Variants in PTPRD observed in about 807,000 individuals in gnomAD.
The protein encoded by PTPRD is protein tyrosine phosphatase receptor type D.
A neutral mutation model predicts 214.5 loss-of-function variants in PTPRD; 34 were observed. The ratio of observed to expected loss-of-function variants is 0.16; its 90% CI spans 0.12 to 0.21. PTPRD has a LOEUF of 0.21. PTPRD is among the 10% of genes least tolerant of loss of function. PTPRD has a pLI of 1.00. For synonymous variants in PTPRD, 1,128 were observed against 845.7 expected, an observed-to-expected ratio of 1.33 and a Z score of -5.79; for missense variants, 2,545 against 2,398.7, an observed-to-expected ratio of 1.06 and a Z score of -1.27.
chr9:9,167,322 T>C (rs2099906191), intron 10 of PTPRD, among the ~76,000 whole-genome samples: 1 of 144,850 alleles, frequency 6.9e-6, no homozygotes, highest in African/African-American at 2.6e-5. Context: ...TCATGCTATA[T>C]GGGGTTTGTG....
intron 5 of PTPRD, among the ~76,000 whole-genome samples, chr9:9,795,716 T>G (rs2098997859): frequency 6.6e-6 from 1 of 152,182 alleles, no homozygotes. Context: ...TACTTCAAAC[T>G]GCAAATACAC....
intron 10 of PTPRD, among the ~76,000 whole-genome samples, chr9:9,139,460 T>C (rs1489227321): frequency 1.3e-5 from 2 of 152,196 alleles, no homozygotes; most frequent in African/African-American, 2.4e-5. Flanking sequence ...TTAGGCACAG[T>C]ATGAGATTAG....
chr9:9,176,688 T>C (rs1185441213), intron 10 of PTPRD, among the ~76,000 whole-genome samples: 1 of 152,122 alleles, frequency 6.6e-6, no homozygotes, highest in African/African-American at 2.4e-5. Context: ...CATGGGTTCC[T>C]GATGAAAGAA....
At chr9:8,737,803 A>C (rs937529533) in intron 11 of PTPRD, among the ~76,000 whole-genome samples, 11 of 152,116 alleles carry the variant, frequency 7.2e-5, no homozygotes, top group African/African-American at 2.7e-4. Context: ...GGTGTGCGCC[A>C]CCACGCCTGG....
intron 9 of PTPRD, among the ~76,000 whole-genome samples, chr9:9,203,565 C>G (rs1166699147): frequency 6.6e-6 from 1 of 152,118 alleles, no homozygotes; most frequent in Non-Finnish European, 1.5e-5. Flanking sequence ...CCCACTGTTA[C>G]AGTTCGGGTT....
At chr9:8,773,979 C>T (rs867020726) in intron 11 of PTPRD, among the ~76,000 whole-genome samples, 76 of 152,268 alleles carry the variant, frequency 5.0e-4, no homozygotes, top group African/African-American at 1.7e-3. Flanking sequence ...CTGACTCCAA[C>T]CCCAAGAAGA....
chr9:9,486,870 A>G (rs1341501246), intron 8 of PTPRD, among the ~76,000 whole-genome samples: 1 of 152,124 alleles, frequency 6.6e-6, no homozygotes, highest in Non-Finnish European at 1.5e-5. Flanking sequence ...CTCCACCTCT[A>G]TAAAAGTATG....
intron 5 of PTPRD, among the ~76,000 whole-genome samples, chr9:9,918,506 C>A (rs1441236562): frequency 6.6e-6 from 1 of 151,916 alleles, no homozygotes; most frequent in East Asian, 1.9e-4. Flanking sequence ...TCGATTAAAT[C>A]TCTATCAAAA....
chr9:8,771,080 C>T (rs532544894), intron 11 of PTPRD, among the ~76,000 whole-genome samples: 14 of 151,344 alleles, frequency 9.3e-5, no homozygotes, highest in African/African-American at 3.4e-4. Context: ...ACTTGGGAGG[C>T]TGAGGCAGGA....
At position 8,666,802 on chromosome 9, in the gene PTPRD, A is replaced by G. The variant is rs867669169; in HGVS notation, c.65-29958T>C. On this transcript the variant is annotated intron_variant, in intron 12 of 45. Transcript: ENST00000381196. ...AGAACATAACTGCCCCCTCGAGTGA[A>G]TGCTACACCACCTGGATTCAACAAT... Among the ~76,000 whole-genome samples, 146 of 152,186 alleles carry G rather than the reference A, an allele frequency of 9.6e-4. 1 individual carries two copies. Among genetic ancestry groups the G allele is most frequent in the African/African-American group, 3.4e-3 (140 of 41,440 alleles).
intron 12 of PTPRD, among the ~76,000 whole-genome samples, chr9:8,669,612 C>G (rs2097239167): frequency 2.6e-5 from 4 of 152,086 alleles, no homozygotes; most frequent in African/African-American, 9.7e-5. Context: ...CGTGGAAACC[C>G]CAACTCATGC....
intron 5 of PTPRD, among the ~76,000 whole-genome samples, chr9:9,839,765 A>C (rs1565668411): frequency 2.0e-5 from 3 of 152,158 alleles, no homozygotes; most frequent in Non-Finnish European, 4.4e-5. Flanking sequence ...AGCTAAAAGA[A>C]CAAAGCTGGA....
intron 4 of PTPRD, among the ~76,000 whole-genome samples, chr9:10,020,056 A>G: frequency 6.6e-6 from 1 of 152,170 alleles, no homozygotes; most frequent in East Asian, 1.9e-4. Flanking sequence ...TCAGTTTCAG[A>G]TGTTGAAGAA....
chr9:10,418,996 A>G (rs1012095104), intron 2 of PTPRD, among the ~76,000 whole-genome samples: 8 of 151,752 alleles, frequency 5.3e-5, no homozygotes, highest in Non-Finnish European at 1.2e-4. Flanking sequence ...CTCTCATTAC[A>G]CTGGGCAATT....
intron 10 of PTPRD, among the ~76,000 whole-genome samples, chr9:9,136,846 C>A (rs758039846): frequency 6.6e-6 from 1 of 152,092 alleles, no homozygotes; most frequent in Non-Finnish European, 1.5e-5. Flanking sequence ...AAAATAAACC[C>A]TATCAGTATT....
chr9:8,671,054 C>A (rs1351793506), intron 12 of PTPRD, among the ~76,000 whole-genome samples: 1 of 152,084 alleles, frequency 6.6e-6, no homozygotes, highest in Non-Finnish European at 1.5e-5. Flanking sequence ...GCAATAGAGA[C>A]ATTCTTGTAT....
chr9:9,975,752 G>A lies in PTPRD; in HGVS notation c.-471-37142C>T, dbSNP rs929982476. The stretch of plus-strand genomic sequence containing the variant: ...AGAGCCCGTAGATACACAGGTTCTG[G>A]AGTCAATCTACCTGGATTCTAACAC... On this transcript the variant is annotated intron_variant, in intron 4 of 45. Transcript: ENST00000381196. 1.6e-4 allele frequency among the ~76,000 whole-genome samples: 25 copies of A among 152,130 alleles called. 1 individual carries two copies. The highest frequency in any genetic ancestry group is 4.8e-5 in the African/African-American group (2 of 41,436).
chr9:9,300,581 A>T (rs1954891121), intron 9 of PTPRD, among the ~76,000 whole-genome samples: 1 of 151,750 alleles, frequency 6.6e-6, no homozygotes, highest in Non-Finnish European at 1.5e-5. Flanking sequence ...TTAAGTCATG[A>T]AGGTGGAGCC....
chr9:9,456,573 G>T (rs764266373), intron 8 of PTPRD, among the ~76,000 whole-genome samples: 5 of 151,766 alleles, frequency 3.3e-5, no homozygotes, highest in Non-Finnish European at 7.4e-5. Flanking sequence ...TATGCCTCAA[G>T]GTCTCTCTCA....
Sources: allele counts gnomAD v4.1 joint callset (sites outside exome capture counted in the v4.1 genomes callset), GRCh38; gene constraint gnomAD v4.1.1; transcripts MANE v1.5; gene names NCBI Gene and HGNC (gene_info 2026-07-23, HGNC 2026-07-21).